The following DDHD2 variants were observed in gnomAD, a reference collection of about 807,000 sequenced individuals.
DDHD2 encodes the protein triacylglycerol hydrolase DDHD2.
A neutral mutation model predicts 91.2 loss-of-function variants in DDHD2; 62 were observed. The observed-to-expected ratio is 0.68, with a 90% CI of 0.55 to 0.84. The LOEUF is 0.84. DDHD2 is among the 40% of genes least tolerant of loss of function. The pLI, the probability that DDHD2 is intolerant of heterozygous loss-of-function variation, is 0.00. For missense variants in DDHD2, 740 were observed against 846.9 expected, an observed-to-expected ratio of 0.87 and a Z score of 1.57; for synonymous variants, 271 against 293.9, an observed-to-expected ratio of 0.92 and a Z score of 0.80.
intron 1 of DDHD2, chr8:38,267,932 G>A (rs1349588442): frequency 1.2e-6 from 2 of 1,613,978 alleles, no homozygotes; most frequent in South Asian, 2.2e-5. Flanking sequence ...TGGTAAAGAC[G>A]CCATTCAGAG....
intron 10 of DDHD2, among the ~76,000 whole-genome samples, chr8:38,249,042 C>G (rs573957745): frequency 1.3e-5 from 2 of 151,824 alleles, no homozygotes; most frequent in East Asian, 3.9e-4. Flanking sequence ...TGCTTGCGTT[C>G]ATCAGCAGGA....
chr8:38,232,728 CT>C (rs1442841181), intron 1 of DDHD2, among the ~76,000 whole-genome samples: 2 of 152,156 alleles, frequency 1.3e-5, no homozygotes, highest in Admixed American at 1.3e-4. Context: ...TGTTTTATAA[CT>C]TATGGACTGA....
chr8:38,255,063 T>G (rs1049423499), intron 16 of DDHD2, among the ~76,000 whole-genome samples: 4 of 151,864 alleles, frequency 2.6e-5, no homozygotes, highest in African/African-American at 9.7e-5. Flanking sequence ...GGTGTGGTGG[T>G]GCATGCCTGT....
chr8:38,265,296 CTT>C (rs1487873962), downstream of DDHD2, among the ~76,000 whole-genome samples: 1 of 149,356 alleles, frequency 6.7e-6, no homozygotes, highest in Non-Finnish European at 1.5e-5. Flanking sequence ...AGTTGCTTCT[CTT>C]TGCAAAAAAC....
At chr8:38,237,509 A>G in intron 3 of DDHD2, 29 bp from the exon 4 acceptor site, 3 of 1,146,892 alleles carry the variant, frequency 2.6e-6, no homozygotes, top group Non-Finnish European at 3.9e-6. Context: ...GCTACTAGAG[A>G]ACTCTAATGA....
intron 17 of DDHD2, 101 bp from the exon 18 acceptor site, chr8:38,260,499 C>G (rs1806931578): frequency 6.1e-6 from 1 of 162,668 alleles, no homozygotes; most frequent in African/African-American, 2.4e-5. Context: ...ATTACTCAGC[C>G]TTTTAGATGT....
chr8:38,263,776 C>T (rs568650647), downstream of DDHD2: 12 of 985,384 alleles, frequency 1.2e-5, no homozygotes, highest in South Asian at 4.7e-5. Flanking sequence ...TGATAATGAA[C>T]TCTAGCTTCT....
chr8:38,250,968 C>A (rs1806062859), intron 11 of DDHD2: 1 of 152,190 alleles, frequency 6.6e-6, no homozygotes, highest in African/African-American at 2.4e-5. Context: ...GCATAATATT[C>A]TGAAGGTTTA....
downstream of DDHD2, chr8:38,272,537 C>G (rs1808507540): frequency 6.6e-6 from 1 of 152,292 alleles, no homozygotes; most frequent in Admixed American, 6.5e-5. Flanking sequence ...CCTCCCTCCC[C>G]TGCACAGTGC....
At chr8:38,263,370 C>G (rs1320274831), downstream of DDHD2, 1 of 985,066 alleles carries the variant, frequency 1.0e-6, no homozygotes, top group Non-Finnish European at 1.2e-6. Context: ...TCTTTTCTAC[C>G]TTAGTCACTT....
At chr8:38,266,965 C>A (rs2130929762), downstream of DDHD2, 1 of 1,081,026 alleles carries the variant, frequency 9.3e-7, no homozygotes, top group African/African-American at 1.6e-5. Context: ...TTCAAAGTAC[C>A]TGACACATAG....
At chr8:38,252,381 A>C (rs1228571993) in intron 13 of DDHD2, 94 bp downstream of exon 13, 6 of 1,401,990 alleles carry the variant, frequency 4.3e-6, no homozygotes, top group East Asian at 2.3e-5. Context: ...TTTTTTTCCT[A>C]TTCCATTGTC....
intron 11 of DDHD2, 188 bp from the exon 12 acceptor site, chr8:38,251,724 A>G (rs1488280846): frequency 3.9e-6 from 2 of 514,698 alleles, no homozygotes; most frequent in Non-Finnish European, 3.4e-6. Context: ...TCCTTTGGCT[A>G]TACTTTTACT....
intron 3 of DDHD2, 136 bp from the exon 4 acceptor site, chr8:38,237,402 A>C: frequency 1.9e-6 from 1 of 528,486 alleles, no homozygotes; most frequent in Non-Finnish European, 3.4e-6. Flanking sequence ...AACAACAAAA[A>C]GATTTAAAAA....
downstream of DDHD2, chr8:38,263,891 A>G: frequency 2.0e-6 from 2 of 984,674 alleles, no homozygotes; most frequent in Non-Finnish European, 2.4e-6. Context: ...TATTAATCTG[A>G]TAGACCAGAT....
intron 3 of DDHD2, among the ~76,000 whole-genome samples, chr8:38,236,296 G>C (rs1433145866): frequency 5.1e-4 from 78 of 151,680 alleles, no homozygotes; most frequent in Admixed American, 5.1e-3. Flanking sequence ...ACAGGCGTGA[G>C]CCACCACGCC....
intron 1 of DDHD2, chr8:38,267,872 G>C: frequency 6.2e-7 from 1 of 1,610,552 alleles, no homozygotes; most frequent in Non-Finnish European, 8.5e-7. Flanking sequence ...GGCAGATGCT[G>C]GGGTGGTTAG....
chr8:38,242,759 T>C (rs189738471), intron 7 of DDHD2, among the ~76,000 whole-genome samples: 6 of 152,364 alleles, frequency 3.9e-5, no homozygotes, highest in African/African-American at 1.2e-4. Flanking sequence ...TAAATAATAT[T>C]TGTCCAAATT....
downstream of DDHD2, chr8:38,264,548 ACTG>A (rs1188702769): frequency 6.3e-7 from 1 of 1,577,844 alleles, no homozygotes; most frequent in Non-Finnish European, 8.6e-7. Flanking sequence ...GGAGGATAAT[ACTG>A]CCGATAGCAG....
Sources: gnomAD v4.1 joint callset for allele counts (sites outside exome capture counted in the v4.1 genomes callset) on GRCh38, gnomAD v4.1.1 for gene constraint, MANE v1.5 for transcripts, NCBI Gene and HGNC (gene_info 2026-07-23, HGNC 2026-07-21) for gene names.